FXYD6: variants seen among roughly 807,000 people sequenced by gnomAD.
FXYD6 encodes FXYD domain containing ion transport regulator 6, also known as FXYD domain-containing ion transport regulator 6.
FXYD6 carries 7 observed loss-of-function variants against 16.7 expected under a neutral mutation model. The ratio of observed to expected loss-of-function variants is 0.42; its 90% CI spans 0.24 to 0.79. The LOEUF (loss-of-function observed/expected upper bound fraction) is 0.79, where lower values mean the gene tolerates loss of function less well. Ranked by LOEUF, FXYD6 falls within the 30% of genes least tolerant of loss-of-function variation. The probability of loss-of-function intolerance (pLI) is 0.28; values close to 1 mark genes in which losing one functional copy is unlikely to be tolerated. For missense variants in FXYD6, 111 were observed against 116.2 expected (o/e 0.95, Z 0.21); for synonymous variants, 49 against 43.0 (o/e 1.14, Z -0.54).
Position 117,851,143 on chromosome 11 carries a change from A to G in FXYD6, c.-5-8362T>C, listed in dbSNP as rs528498313. Among the ~76,000 whole-genome samples the G allele has an allele frequency of 3.9e-5, 6 of 152,310 alleles. No homozygotes were observed. The South Asian group carries it at 1.2e-3, about 32-fold the overall frequency. On this transcript the variant is annotated intron_variant, in intron 1 of 7. Coordinates refer to ENST00000526014, the MANE Select transcript of FXYD6 (RefSeq NM_022003.4). Reference sequence around the variant, plus strand: ...GCCAGCCTGCAAGACAGCTCCCAGTATCTCCTAGTATTCAGATCCTTGTAC... The same window carrying G: ...GCCAGCCTGCAAGACAGCTCCCAGTGTCTCCTAGTATTCAGATCCTTGTAC...
intron 1 of FXYD6, among the ~76,000 whole-genome samples, chr11:117,874,538 C>T (rs531754923): frequency 2.0e-5 from 3 of 152,328 alleles, no homozygotes; most frequent in Admixed American, 2.0e-4. Flanking sequence ...GGCCCCTCTC[C>T]TTCCCTCTTT....
chr11:117,840,747 G>T (rs1303491946), intron 5 of FXYD6, among the ~76,000 whole-genome samples: 2 of 152,054 alleles, frequency 1.3e-5, no homozygotes, highest in Admixed American at 6.5e-5. Flanking sequence ...TGTCTATTCA[G>T]CTCAAAGAGC....
rs2057112490 is a variant in FXYD6 at position 117,870,573 on chromosome 11, C to A, written c.-6+6019G>T. Among the ~76,000 whole-genome samples, 1 of 152,242 alleles carries A rather than the reference C, an allele frequency of 6.6e-6. No individual in the cohort carries two copies. The highest frequency in any genetic ancestry group is 6.5e-5 in the Admixed American group (1 of 15,292). On this transcript the variant is annotated intron_variant, in intron 1 of 7. Transcript: ENST00000526014. The surrounding 1 kb of genome is among the most constrained non-coding windows in gnomAD (Gnocchi z 4.2). ...TGCCTACCTCTTTAGAAGGACAGCTCTGGCCTGCATGTTTCAGCCTACAGG... is the reference window on the plus strand; with the variant it reads ...TGCCTACCTCTTTAGAAGGACAGCTATGGCCTGCATGTTTCAGCCTACAGG...
At chr11:117,859,300 T>C (rs2056850757) in intron 1 of FXYD6, among the ~76,000 whole-genome samples, 1 of 152,202 alleles carries the variant, frequency 6.6e-6, no homozygotes, top group African/African-American at 2.4e-5. Flanking sequence ...GTTGGAGATC[T>C]TTGTGCCTTT....
intron 1 of FXYD6, among the ~76,000 whole-genome samples, chr11:117,856,125 G>A (rs547370703): frequency 2.4e-4 from 37 of 152,238 alleles, no homozygotes; most frequent in Non-Finnish European, 2.1e-4. Flanking sequence ...ATGTGCGGGA[G>A]AAAGCAATCA....
chr11:117,839,854 T>C, intron 6 of FXYD6, 24 bp from the exon 7 acceptor site: 1 of 1,614,056 alleles, frequency 6.2e-7, no homozygotes, highest in Non-Finnish European at 8.5e-7. Flanking sequence ...CAGAATGGAT[T>C]ATAGTGTATA....
At position 117,842,938 on chromosome 11, in the gene FXYD6, CT is replaced by C. The variant is rs149530999; in HGVS notation, c.-5-158del. On this transcript the variant is annotated intron_variant, in intron 1 of 7. Coordinates refer to ENST00000526014, the MANE Select transcript of FXYD6 (RefSeq NM_022003.4). The stretch of plus-strand genomic sequence containing the variant: ...AAACAACCTAAGCACAAGCAGTTGA[CT>C]TTTTTTTTTTTTGAGACAGAGTCTC... Among the ~76,000 whole-genome samples the C allele has an allele frequency of 3.7e-3, 547 of 146,860 alleles. 9 individuals carry two copies. In the South Asian group the frequency reaches 0.065, roughly 17 times the overall value.
chr11:117,838,001 A>G lies in FXYD6; in HGVS notation c.*298T>C. 1.7e-6 allele frequency: 1 copy of G among 598,532 alleles called. No individual in the cohort carries two copies. Among genetic ancestry groups the G allele is most frequent in the South Asian group, 1.9e-5 (1 of 51,520 alleles). The allele number at this position is 598,532 out of a possible 1,614,324, so 37.1% of individuals were successfully genotyped here. The stretch of plus-strand genomic sequence containing the variant: ...CTAACAAACACAATACCATCCACAA[A>G]CAAGTAGCCACAAAGACCACAGTTA... On this transcript the variant is annotated 3_prime_UTR_variant, in exon 8 of 8. Transcript: ENST00000526014.
At chr11:117,871,510 C>T (rs975319325) in intron 1 of FXYD6, among the ~76,000 whole-genome samples, 1 of 152,126 alleles carries the variant, frequency 6.6e-6, no homozygotes, top group African/African-American at 2.4e-5. Context: ...GGTGTGTGCT[C>T]TCAAGGAAGA....
At chr11:117,866,036 G>A (rs971483208) in intron 1 of FXYD6, among the ~76,000 whole-genome samples, 4 of 152,196 alleles carry the variant, frequency 2.6e-5, no homozygotes, top group African/African-American at 9.7e-5. Context: ...AAATAAGCCA[G>A]TCACAGAAGG....
chr11:117,852,097 A>T (rs2134161498), intron 1 of FXYD6, among the ~76,000 whole-genome samples: 1 of 152,376 alleles, frequency 6.6e-6, no homozygotes, highest in Middle Eastern at 3.4e-3. Flanking sequence ...GCCAGAAGCC[A>T]GCAAGAAGAT....
intron 1 of FXYD6, among the ~76,000 whole-genome samples, chr11:117,866,003 C>A (rs1784914216): frequency 6.6e-6 from 1 of 152,092 alleles, no homozygotes; most frequent in African/African-American, 2.4e-5. Flanking sequence ...CATGGATGAA[C>A]CTTGAGGACG....
intron 1 of FXYD6, among the ~76,000 whole-genome samples, chr11:117,854,536 GTAGGTGAACAAGATACAGCCT>G (rs1197553661): frequency 1.3e-5 from 2 of 152,348 alleles, no homozygotes; most frequent in Admixed American, 1.3e-4. Context: ...CAAAGGATAA[GTAGGTGAACAAGATACAGCCT>G]TAGCTACCAA....
intron 1 of FXYD6, among the ~76,000 whole-genome samples, chr11:117,848,889 C>T (rs551934852): frequency 7.3e-4 from 111 of 152,180 alleles, no homozygotes; most frequent in African/African-American, 2.6e-3. Context: ...AGAGGTTTAA[C>T]GATGCTTATA....
chr11:117,856,879 G>A (rs753564074), intron 1 of FXYD6, among the ~76,000 whole-genome samples: 1 of 152,114 alleles, frequency 6.6e-6, no homozygotes, highest in Non-Finnish European at 1.5e-5. Flanking sequence ...GGCAGGGCAG[G>A]GCTCAGAACA....
At chr11:117,869,755 A>T (rs2057095172) in intron 1 of FXYD6, among the ~76,000 whole-genome samples, 2 of 152,268 alleles carry the variant, frequency 1.3e-5, no homozygotes, top group African/African-American at 4.8e-5. Context: ...AAACAGAAAC[A>T]GAATTCACAA....
chr11:117,863,476 TA>T (rs752219553), intron 1 of FXYD6, among the ~76,000 whole-genome samples: 2,046 of 140,648 alleles, frequency 0.015, 36 homozygotes, highest in South Asian at 0.057. Context: ...GCCATAAGTT[TA>T]AAAAAAAAAA....
chr11:117,844,702 G>C (rs1055406782), intron 1 of FXYD6, among the ~76,000 whole-genome samples: 7 of 152,072 alleles, frequency 4.6e-5, no homozygotes, highest in Non-Finnish European at 7.4e-5. Flanking sequence ...CACCATGTTG[G>C]TCAGGCTCAA....
At chr11:117,865,867 C>T (rs2057002628) in intron 1 of FXYD6, among the ~76,000 whole-genome samples, 2 of 151,328 alleles carry the variant, frequency 1.3e-5, no homozygotes, top group Admixed American at 1.3e-4. Context: ...GTGGAGGTTG[C>T]AGTGAGATCG....
Sources: gnomAD v4.1 joint callset for allele counts (sites outside exome capture counted in the v4.1 genomes callset) on GRCh38, gnomAD v4.1.1 for gene constraint, Gnocchi (gnomAD v3.1) non-coding constraint, MANE v1.5 for transcripts, NCBI Gene and HGNC (gene_info 2026-07-23, HGNC 2026-07-21) for gene names.